DLG2: variants seen among roughly 807,000 people sequenced by gnomAD.
DLG2 encodes discs large MAGUK scaffold protein 2.
A neutral mutation model predicts 132.5 loss-of-function variants in DLG2; 45 were observed. That is an observed-to-expected ratio of 0.34 (90% CI 0.27 to 0.44). The LOEUF is 0.44. Ranked by LOEUF, DLG2 falls within the 20% of genes least tolerant of loss-of-function variation. The pLI, the probability that DLG2 is intolerant of heterozygous loss-of-function variation, is 1.00. For missense variants in DLG2, 1,045 were observed against 1,196.9 expected (o/e 0.87, Z 1.87); for synonymous variants, 424 against 419.6 (o/e 1.01, Z -0.13).
At chr11:85,575,986 A>C (rs544790026) in intron 3 of DLG2, among the ~76,000 whole-genome samples, 1 of 152,316 alleles carries the variant, frequency 6.6e-6, no homozygotes, top group Non-Finnish European at 1.5e-5. Flanking sequence ...AAATATAATG[A>C]ATAATTGCAT....
At chr11:85,334,562 C>G (rs1017272104) in intron 3 of DLG2, among the ~76,000 whole-genome samples, 2 of 152,068 alleles carry the variant, frequency 1.3e-5, no homozygotes, top group Non-Finnish European at 2.9e-5. Flanking sequence ...TTAACATGGG[C>G]TTTTAGCTCT....
At chr11:83,994,145 C>A (rs964793672) in intron 11 of DLG2, among the ~76,000 whole-genome samples, 1 of 152,104 alleles carries the variant, frequency 6.6e-6, no homozygotes, top group African/African-American at 2.4e-5. Context: ...TCATTTTCTA[C>A]ATAGAATTAG....
chr11:84,549,313 G>A (rs2154523672), intron 6 of DLG2, among the ~76,000 whole-genome samples: 1 of 152,302 alleles, frequency 6.6e-6, no homozygotes, highest in South Asian at 2.1e-4. Flanking sequence ...ATTTTCCAGG[G>A]ATAACTGCCA....
chr11:83,974,910 A>T (rs1012557770), intron 12 of DLG2, among the ~76,000 whole-genome samples: 1 of 152,060 alleles, frequency 6.6e-6, no homozygotes, highest in Admixed American at 6.6e-5. Context: ...GAAAGAAAAC[A>T]CAAGAACTAA....
At chr11:84,433,299 C>T (rs1347424720) in intron 7 of DLG2, among the ~76,000 whole-genome samples, 3 of 152,284 alleles carry the variant, frequency 2.0e-5, no homozygotes, top group East Asian at 3.9e-4. Flanking sequence ...TATTTTAATA[C>T]TCTTGTATAT....
At chr11:85,393,153 G>C (rs2086953681) in intron 3 of DLG2, among the ~76,000 whole-genome samples, 1 of 152,050 alleles carries the variant, frequency 6.6e-6, no homozygotes, top group Non-Finnish European at 1.5e-5. Flanking sequence ...CTATCAAAAA[G>C]TGGGCAAAGG....
chr11:83,907,673 A>C (rs61901824), intron 15 of DLG2, among the ~76,000 whole-genome samples: 14,705 of 151,998 alleles, frequency 0.097, 843 homozygotes, highest in Middle Eastern at 0.2. Context: ...ATGGTCAGTT[A>C]TTATTATTAA....
At position 83,737,370 on chromosome 11, in the gene DLG2, AAAAGAT is replaced by A. The variant is rs540746064; in HGVS notation, c.1825+49314_1825+49319del. Among the ~76,000 whole-genome samples, 1,480 of 152,344 alleles carry A rather than the reference AAAAGAT, an allele frequency of 9.7e-3. 16 individuals carry two copies. The highest frequency in any genetic ancestry group is 0.014 in the Non-Finnish European group (926 of 68,020). ...GGAGAAAAGCAATTAATCAGACAAAAAAAGATAAAGTATGTTGAGAAATGAACTTTC... is the reference window on the plus strand; with the variant it reads ...GGAGAAAAGCAATTAATCAGACAAAAAAAGTATGTTGAGAAATGAACTTTC... On this transcript the variant is annotated intron_variant, in intron 18 of 27. Coordinates refer to ENST00000376104, the MANE Select transcript of DLG2 (RefSeq NM_001142699.3).
intron 6 of DLG2, among the ~76,000 whole-genome samples, chr11:84,537,754 C>A (rs1448433698): frequency 6.6e-6 from 1 of 152,186 alleles, no homozygotes; most frequent in African/African-American, 2.4e-5. Context: ...TCTCACATCT[C>A]CAGTCTTTAG....
chr11:84,142,899 T>C (rs965431132), intron 9 of DLG2, among the ~76,000 whole-genome samples: 3 of 152,140 alleles, frequency 2.0e-5, no homozygotes, highest in Non-Finnish European at 4.4e-5. Flanking sequence ...TTGTCTTCCA[T>C]AATTACATAA....
intron 6 of DLG2, among the ~76,000 whole-genome samples, chr11:84,969,735 A>G (rs1354365312): frequency 6.6e-6 from 1 of 152,200 alleles, no homozygotes; most frequent in African/African-American, 2.4e-5. Flanking sequence ...TTACTGCAGC[A>G]GTGTTCACAA....
intron 6 of DLG2, among the ~76,000 whole-genome samples, chr11:84,933,391 T>C (rs2048326499): frequency 6.6e-6 from 1 of 152,324 alleles, no homozygotes; most frequent in Admixed American, 6.5e-5. Context: ...TAGTTTTTTC[T>C]AGTTCTGTGA....
chr11:85,348,193 G>T (rs1458631760), intron 3 of DLG2, among the ~76,000 whole-genome samples: 1 of 150,192 alleles, frequency 6.7e-6, no homozygotes, highest in Non-Finnish European at 1.5e-5. Flanking sequence ...CACCATGTTG[G>T]CCAGGATGGT....
At chr11:85,363,264 C>A (rs933987444) in intron 3 of DLG2, among the ~76,000 whole-genome samples, 4 of 152,160 alleles carry the variant, frequency 2.6e-5, no homozygotes, top group Non-Finnish European at 4.4e-5. Flanking sequence ...CAGAGACTGC[C>A]TCTGTGCGTA....
At chr11:85,106,449 T>C (rs2071771002) in intron 6 of DLG2, among the ~76,000 whole-genome samples, 1 of 151,980 alleles carries the variant, frequency 6.6e-6, no homozygotes, top group Non-Finnish European at 1.5e-5. Context: ...TATTAACTCC[T>C]AGAACCTTTT....
intron 4 of DLG2, among the ~76,000 whole-genome samples, chr11:85,274,785 G>A (rs780476543): frequency 7.2e-5 from 11 of 152,002 alleles, no homozygotes; most frequent in Non-Finnish European, 1.0e-4. Flanking sequence ...CTGTTTGATC[G>A]TAAGTCATAA....
At chr11:84,999,029 TG>T (rs1261922794) in intron 6 of DLG2, among the ~76,000 whole-genome samples, 1 of 151,892 alleles carries the variant, frequency 6.6e-6, no homozygotes, top group Non-Finnish European at 1.5e-5. Flanking sequence ...GCAGAGTTCT[TG>T]CATCAGCTTA....
intron 3 of DLG2, among the ~76,000 whole-genome samples, chr11:85,505,148 C>A (rs935491205): frequency 1.3e-4 from 20 of 152,202 alleles, no homozygotes; most frequent in African/African-American, 4.8e-4. Flanking sequence ...TCTAAATATA[C>A]AATCATGTCA....
At chr11:85,040,657 T>C (rs2061785041) in intron 6 of DLG2, among the ~76,000 whole-genome samples, 1 of 152,020 alleles carries the variant, frequency 6.6e-6, no homozygotes, top group South Asian at 2.1e-4. Context: ...ATCTTGTAAC[T>C]GATAAATGTT....
Sources: gnomAD v4.1 joint callset for allele counts (sites outside exome capture counted in the v4.1 genomes callset) on GRCh38, gnomAD v4.1.1 for gene constraint, MANE v1.5 for transcripts, NCBI Gene and HGNC (gene_info 2026-07-23, HGNC 2026-07-21) for gene names.